SPATA6: variants seen among roughly 807,000 people sequenced by gnomAD.
The protein encoded by SPATA6 is spermatogenesis-associated protein 6.
In SPATA6, 56 loss-of-function variants were observed where a neutral mutation model predicts 65.3. The observed-to-expected ratio is 0.86, with a 90% CI of 0.69 to 1.07. The LOEUF (loss-of-function observed/expected upper bound fraction) is 1.07. SPATA6 is among the 50% of genes least tolerant of loss of function. The pLI is 0.00. For missense variants in SPATA6, 590 were observed against 594.8 expected (o/e 0.99, Z 0.08); for synonymous variants, 199 against 213.2 (o/e 0.93, Z 0.58).
chr1:48,448,970 G>A (rs1656318181), intron 3 of SPATA6, among the ~76,000 whole-genome samples: 1 of 152,050 alleles, frequency 6.6e-6, no homozygotes, highest in Admixed American at 6.6e-5. Flanking sequence ...ATACACAATT[G>A]TATAAATTTT....
chr1:48,364,345 C>A (rs1024553295), intron 9 of SPATA6, among the ~76,000 whole-genome samples: 1 of 152,068 alleles, frequency 6.6e-6, no homozygotes, highest in African/African-American at 2.4e-5. Flanking sequence ...TCAAATGGTA[C>A]TTCTAGTTCT....
intron 3 of SPATA6, among the ~76,000 whole-genome samples, chr1:48,415,639 A>T (rs75620255): frequency 0.071 from 8,736 of 123,658 alleles, 360 homozygotes; most frequent in Middle Eastern, 0.25. Context: ...ACAGAAAAAA[A>T]GACTGAAAAA....
At chr1:48,299,516 G>GGAAAAAAAAA (rs761355984) in intron 12 of SPATA6, among the ~76,000 whole-genome samples, 7 of 38,202 alleles carry the variant, frequency 1.8e-4, no homozygotes, top group South Asian at 2.1e-3. Context: ...CTCCGTCTCG[G>GGAAAAAAAAA]AAAAAAAAAA....
intron 7 of SPATA6, among the ~76,000 whole-genome samples, chr1:48,397,529 T>C (rs1437092643): frequency 1.3e-5 from 2 of 151,720 alleles, no homozygotes; most frequent in African/African-American, 4.8e-5. Flanking sequence ...GCTAATTGAT[T>C]TCTTAAAACT....
rs114250456 is a variant in SPATA6 at position 48,336,582 on chromosome 1, G to A, written c.1194+19088C>T. Among the ~76,000 whole-genome samples, 533 of 151,714 alleles carry A rather than the reference G, an allele frequency of 3.5e-3. 3 individuals are homozygous for A. The highest frequency in any genetic ancestry group is 0.012 in the African/African-American group (489 of 41,402). On this transcript the variant is annotated intron_variant, in intron 11 of 12. Coordinates refer to ENST00000371847, the MANE Select transcript of SPATA6 (RefSeq NM_019073.4). The stretch of plus-strand genomic sequence containing the variant: ...CCTATAAGTGAGAGCTAAATAAAGA[G>A]AATACATGAACAAAAAGAGGGCAAC...
At chr1:48,278,039 T>G in the SPATA6 span, among the ~76,000 whole-genome samples, 3 of 152,288 alleles carry the variant, frequency 2.0e-5, no homozygotes, top group East Asian at 3.9e-4. Flanking sequence ...CCCACTGTTA[T>G]GCACCCATCA....
rs1644838372 is a variant in SPATA6, at chr1:48,297,639, A to C, written c.*1074T>G. ...ATAAGCCCAGTTCACTTATTCCTAC[A>C]CTCTCCTTTCCCTCCCCTCACTCTC... On this transcript the variant is annotated 3_prime_UTR_variant, in exon 13 of 13. Coordinates refer to ENST00000371847, the MANE Select transcript of SPATA6 (RefSeq NM_019073.4). 6.6e-6 allele frequency: 1 copy of C among 151,480 alleles called. No homozygotes were observed. The highest frequency in any genetic ancestry group is 2.4e-5 in the African/African-American group (1 of 41,174). 9.4% of individuals were successfully genotyped at this position (151,480 alleles called of 1,614,324 possible).
intron 11 of SPATA6, among the ~76,000 whole-genome samples, chr1:48,337,195 A>C (rs528933986): frequency 2.0e-5 from 3 of 152,042 alleles, no homozygotes; most frequent in African/African-American, 7.2e-5. Flanking sequence ...TAAGAAAACC[A>C]TGAATAAGAG....
intron 6 of SPATA6, among the ~76,000 whole-genome samples, chr1:48,399,984 A>C (rs1462914622): frequency 1.3e-5 from 2 of 151,926 alleles, no homozygotes; most frequent in African/African-American, 4.8e-5. Flanking sequence ...CATTGGTTAC[A>C]TATATATTTA....
chr1:48,299,820 C>T (rs759489470), intron 12 of SPATA6, among the ~76,000 whole-genome samples: 53 of 152,264 alleles, frequency 3.5e-4, no homozygotes, highest in Non-Finnish European at 6.5e-4. Flanking sequence ...TAAGACTGCT[C>T]AGCTAGTAAG....
chr1:48,359,911 C>A, intron 9 of SPATA6, 141 bp from the exon 10 acceptor site: 2 of 601,766 alleles, frequency 3.3e-6, no homozygotes, highest in Non-Finnish European at 5.2e-6. Context: ...AAAACATATG[C>A]CACAGCTATA....
intron 11 of SPATA6, among the ~76,000 whole-genome samples, chr1:48,324,722 A>ACCCACAGC: frequency 6.6e-6 from 1 of 152,280 alleles, no homozygotes; most frequent in Non-Finnish European, 1.5e-5. Context: ...TATACAACAG[A>ACCCACAGC]CCCACAGCTA....
intron 11 of SPATA6, among the ~76,000 whole-genome samples, chr1:48,331,013 A>G (rs1475663255): frequency 1.3e-5 from 2 of 152,244 alleles, no homozygotes; most frequent in South Asian, 2.1e-4. Flanking sequence ...AAGGCAGTCA[A>G]CCAAACCCAC....
At chr1:48,350,118 T>A (rs1487639023) in intron 11 of SPATA6, among the ~76,000 whole-genome samples, 1 of 151,764 alleles carries the variant, frequency 6.6e-6, no homozygotes, top group African/African-American at 2.4e-5. Flanking sequence ...TCAGCATAAT[T>A]TTGTTGTTGT....
At chr1:48,438,882 AG>A (rs1161061034) in intron 3 of SPATA6, among the ~76,000 whole-genome samples, 1 of 152,168 alleles carries the variant, frequency 6.6e-6, no homozygotes, top group Non-Finnish European at 1.5e-5. Flanking sequence ...AAGCCCCATC[AG>A]GTGGGGGGGA....
intron 9 of SPATA6, among the ~76,000 whole-genome samples, chr1:48,372,442 G>T (rs1408598202): frequency 6.6e-6 from 1 of 152,180 alleles, no homozygotes; most frequent in Non-Finnish European, 1.5e-5. Context: ...GGTTCCCATG[G>T]TGTTAGGCAG....
intron 2 of SPATA6, 53 bp downstream of exon 2, chr1:48,452,941 G>T (rs1656704157): frequency 6.4e-7 from 1 of 1,571,382 alleles, no homozygotes; most frequent in Non-Finnish European, 8.6e-7. Flanking sequence ...TTCAAAAATT[G>T]GAACCACTTT....
intron 11 of SPATA6, among the ~76,000 whole-genome samples, chr1:48,337,438 A>G (rs892256742): frequency 5.3e-5 from 8 of 151,962 alleles, no homozygotes; most frequent in Admixed American, 6.6e-5. Context: ...AATTATAAAA[A>G]CCTTTCATCT....
Position 48,350,079 on chromosome 1 carries a change from A to G in SPATA6, c.1194+5591T>C, listed in dbSNP as rs142692595. On this transcript the variant is annotated intron_variant, in intron 11 of 12. Coordinates refer to ENST00000371847, the MANE Select transcript of SPATA6 (RefSeq NM_019073.4). ...CCATTGGTATTCCCACCAGCATGAA[A>G]TGGGAGTTCCTATTATTCCACATCC... is the stretch of plus-strand genomic sequence containing the variant. Among the ~76,000 whole-genome samples, 1,302 of 151,948 alleles carry G rather than the reference A, an allele frequency of 8.6e-3. 6 individuals carry two copies. The highest frequency in any genetic ancestry group is 0.014 in the Non-Finnish European group (963 of 67,842).
Sources: gnomAD v4.1 joint callset for allele counts (sites outside exome capture counted in the v4.1 genomes callset) on GRCh38, gnomAD v4.1.1 for gene constraint, MANE v1.5 for transcripts, NCBI Gene and HGNC (gene_info 2026-07-23, HGNC 2026-07-21) for gene names.